SEC14L2: variants seen among roughly 807,000 people sequenced by gnomAD.
SEC14L2 encodes SEC14 like lipid binding 2.
A neutral mutation model predicts 56.9 loss-of-function variants in SEC14L2; 50 were observed. The observed-to-expected ratio is 0.88, with a 90% confidence interval of 0.70 to 1.11. SEC14L2 has a LOEUF of 1.11. Among genes scored for constraint, SEC14L2 ranks in the 50% most tolerant of loss-of-function variants. The pLI, the probability that SEC14L2 is intolerant of heterozygous loss-of-function variation, is 0.00. For synonymous variants in SEC14L2, 179 were observed against 188.5 expected, an observed-to-expected ratio of 0.95 and a Z score of 0.41; for missense variants, 414 against 500.7, an observed-to-expected ratio of 0.83 and a Z score of 1.65.
intron 8 of SEC14L2, among the ~76,000 whole-genome samples, chr22:30,413,679 C>T (rs911970402): frequency 4.6e-5 from 7 of 152,140 alleles, no homozygotes; most frequent in African/African-American, 1.7e-4. Flanking sequence ...TTTGGTGACA[C>T]ACGAGAATTG....
intron 2 of SEC14L2, among the ~76,000 whole-genome samples, chr22:30,401,715 G>A (rs1042829781): frequency 6.7e-6 from 1 of 150,322 alleles, no homozygotes; most frequent in Admixed American, 6.6e-5. Flanking sequence ...TAGAGACGGG[G>A]TTTCACTATG....
At chr22:30,416,668 A>T in intron 11 of SEC14L2, 1 of 1,424,772 alleles carries the variant, frequency 7.0e-7, no homozygotes, top group Non-Finnish European at 9.1e-7. Context: ...ACAGGGGTTC[A>T]ACACGTCTGC....
chr22:30,401,663 G>A (rs1193050602), intron 2 of SEC14L2, among the ~76,000 whole-genome samples: 2 of 143,488 alleles, frequency 1.4e-5, no homozygotes, highest in Non-Finnish European at 3.0e-5. Context: ...ACAGGCATGC[G>A]CCACCACGCC....
At chr22:30,420,190 T>A (rs1934480849) in intron 11 of SEC14L2, among the ~76,000 whole-genome samples, 1 of 152,154 alleles carries the variant, frequency 6.6e-6, no homozygotes, top group Non-Finnish European at 1.5e-5. Flanking sequence ...CGGCCTCAGG[T>A]GATCCACCCG....
chr22:30,416,826 T>C (rs1339713696), intron 11 of SEC14L2: 3 of 1,112,732 alleles, frequency 2.7e-6, no homozygotes, highest in Non-Finnish European at 2.2e-6. Context: ...CACCCCTGAG[T>C]TTCACTCATC....
intron 8 of SEC14L2, among the ~76,000 whole-genome samples, chr22:30,412,526 T>C (rs1027360737): frequency 6.6e-6 from 1 of 152,032 alleles, no homozygotes; most frequent in South Asian, 2.1e-4. Flanking sequence ...TTAAGAATTA[T>C]TTAGGGCCAG....
At chr22:30,405,490 G>A (rs1934068409) in intron 2 of SEC14L2, among the ~76,000 whole-genome samples, 1 of 152,154 alleles carries the variant, frequency 6.6e-6, no homozygotes, top group Admixed American at 6.5e-5. Context: ...ATAAAGAGGT[G>A]ACCCAGGTGA....
intron 8 of SEC14L2, among the ~76,000 whole-genome samples, chr22:30,412,150 C>A (rs989033426): frequency 6.6e-6 from 1 of 152,050 alleles, no homozygotes; most frequent in Non-Finnish European, 1.5e-5. Flanking sequence ...ACTCTACAGG[C>A]CACTGGGAAT....
At chr22:30,400,625 T>G (rs1933900585) in intron 2 of SEC14L2, among the ~76,000 whole-genome samples, 1 of 151,982 alleles carries the variant, frequency 6.6e-6, no homozygotes, top group Non-Finnish European at 1.5e-5. Context: ...CCAGGTGCGG[T>G]GGCTCACGCC....
intron 11 of SEC14L2, chr22:30,421,011 G>A (rs953089686): frequency 3.3e-5 from 5 of 152,150 alleles, no homozygotes; most frequent in African/African-American, 1.2e-4. Context: ...CCATCTAGAA[G>A]CATTACATGT....
Position 30,422,541 on chromosome 22 carries a change from C to A in SEC14L2, c.*134C>A. On this transcript the variant is annotated 3_prime_UTR_variant, in exon 12 of 12. Coordinates refer to ENST00000615189, the MANE Select transcript of SEC14L2 (RefSeq NM_012429.5). The stretch of plus-strand genomic sequence containing the variant: ...GGACAGACCTCAGGAGCTTTCATTT[C>A]AGTTAGGCAGAGGAAGAGCGACTGC... 8.8e-7 allele frequency: 1 copy of A among 1,137,546 alleles called. No individual in the cohort carries two copies. Among genetic ancestry groups the A allele is most frequent in the Non-Finnish European group, 1.2e-6 (1 of 811,534 alleles). 70.5% of individuals were successfully genotyped at this position (1,137,546 alleles called of 1,614,324 possible).
At chr22:30,406,780 C>T (rs928549690) in intron 3 of SEC14L2, among the ~76,000 whole-genome samples, 5 of 152,138 alleles carry the variant, frequency 3.3e-5, no homozygotes, top group African/African-American at 7.2e-5. Context: ...GACAGAGTCT[C>T]GCTCTGTCAC....
chr22:30,400,889 C>T (rs1274314894), intron 2 of SEC14L2, among the ~76,000 whole-genome samples: 1 of 85,876 alleles, frequency 1.2e-5, no homozygotes, highest in Non-Finnish European at 2.1e-5. Context: ...AGGGAGACTC[C>T]GTCTCAAAAA....
Position 30,410,656 on chromosome 22 carries a change from G to C in SEC14L2, c.641G>C (p.Arg214Pro). The change falls in exon 8 of 12, where the codon CGT (arginine) becomes CCT (proline). Residue 214 changes from arginine to proline, a missense_variant. Arg to Pro is a moderately radical substitution (Grantham distance 103). Transcript: ENST00000615189. ...AAACCCTTCCTGAGTGAGGACACTC[G>C]TAAGAAGATCATGGTCCTGGGAGGT... ...LIKPFLSEDTRKKIMVLGANW... is the reference protein window; with the variant it reads ...LIKPFLSEDTPKKIMVLGANW... The C allele has an allele frequency of 4.3e-6, 7 of 1,614,160 alleles. No homozygotes were observed. Among genetic ancestry groups the C allele is most frequent in the East Asian group, 2.2e-5 (1 of 44,890 alleles).
Position 30,424,650 on chromosome 22 carries a change from A to G in SEC14L2, c.*2243A>G, listed in dbSNP as rs1934619776. On this transcript the variant is annotated 3_prime_UTR_variant, in exon 12 of 12. Transcript: ENST00000615189. ...AAGTAAGTGCTCGTCAATGTTGGCT[A>G]CTCTCATTTTTTTTGCAGACGTGGG... 2 of 454,344 alleles carry G rather than the reference A, an allele frequency of 4.4e-6. No individual in the cohort carries two copies. The highest frequency in any genetic ancestry group is 4.0e-5 in the African/African-American group (2 of 49,892). 28.1% of individuals were successfully genotyped at this position (454,344 alleles called of 1,614,324 possible). A position where few individuals can be genotyped will look rare whatever the true frequency, so the allele number is the denominator to read the frequency against.
intron 11 of SEC14L2, chr22:30,416,764 G>T (rs1257939487): frequency 6.3e-6 from 8 of 1,270,180 alleles, no homozygotes. Context: ...GACAGAACTG[G>T]CTGGGTGGGC....
At chr22:30,398,625 C>A (rs1933827130) in intron 1 of SEC14L2, 2 of 457,638 alleles carry the variant, frequency 4.4e-6, no homozygotes, top group East Asian at 7.1e-5. Context: ...GAACTGTTCC[C>A]TCCACCTGAG....
At chr22:30,399,311 T>A (rs914769992) in intron 1 of SEC14L2, among the ~76,000 whole-genome samples, 2 of 151,682 alleles carry the variant, frequency 1.3e-5, no homozygotes, top group Non-Finnish European at 2.9e-5. Context: ...GGTCAGGAGA[T>A]CAAGACTACC....
intron 8 of SEC14L2, among the ~76,000 whole-genome samples, chr22:30,414,568 A>G (rs1934336588): frequency 6.6e-6 from 1 of 152,230 alleles, no homozygotes; most frequent in African/African-American, 2.4e-5. Flanking sequence ...GCGGGTCTCC[A>G]GCCAGCATGA....
Sources: gnomAD v4.1 joint callset for allele counts (sites outside exome capture counted in the v4.1 genomes callset) on GRCh38, gnomAD v4.1.1 for gene constraint, MANE v1.5 for transcripts, NCBI Gene and HGNC (gene_info 2026-07-23, HGNC 2026-07-21) for gene names.